DMD: variants seen among roughly 807,000 people sequenced by gnomAD.
The protein encoded by DMD is mutant dystrophin.
Under a neutral mutation model 330.1 loss-of-function variants are expected in DMD, and 63 were observed. That is an observed-to-expected ratio of 0.19 (90% confidence interval 0.16 to 0.24). The LOEUF is 0.24. Among genes scored for constraint, DMD ranks in the 10% least tolerant of loss-of-function variants. The probability of loss-of-function intolerance (pLI) is 1.00; values close to 1 mark genes in which losing one functional copy is unlikely to be tolerated. For synonymous variants in DMD, 1,223 were observed against 959.8 expected (o/e 1.27, Z -5.07); for missense variants, 3,344 against 2,684.1 (o/e 1.25, Z -5.43).
chrX:32,629,082 G>C (rs899492959), intron 11 of DMD, among the ~76,000 whole-genome samples: 7 of 111,518 alleles, frequency 6.3e-5, no homozygotes, highest in African/African-American at 2.0e-4. Flanking sequence ...TTTTATGTCT[G>C]GATGATCTAT....
At chrX:31,844,149 G>A (rs1169496006) in intron 48 of DMD, among the ~76,000 whole-genome samples, 3 of 111,822 alleles carry the variant, frequency 2.7e-5, no homozygotes, top group Non-Finnish European at 5.6e-5. Context: ...GTGAGCCACC[G>A]CACCTGGCTG....
At chrX:32,022,364 A>G (rs530794378) in intron 44 of DMD, among the ~76,000 whole-genome samples, 1 of 112,431 alleles carries the variant, frequency 8.9e-6, no homozygotes, top group African/African-American at 3.2e-5. Flanking sequence ...CAGAATGCCT[A>G]TATTAAAAAT....
At chrX:31,384,341 CTA>C (rs2060343794) in intron 60 of DMD, among the ~76,000 whole-genome samples, 1 of 110,399 alleles carries the variant, frequency 9.1e-6, no homozygotes, top group Non-Finnish European at 1.9e-5. Context: ...ACTACTACTA[CTA>C]CTACTACTAC....
intron 26 of DMD, among the ~76,000 whole-genome samples, chrX:32,451,681 A>G (rs1012949101): frequency 9.0e-6 from 1 of 110,998 alleles, no homozygotes; most frequent in Non-Finnish European, 1.9e-5. Context: ...GAGAGATGTC[A>G]AAATAGGTCT....
intron 45 of DMD, among the ~76,000 whole-genome samples, chrX:31,937,352 T>C (rs951154993): frequency 3.6e-5 from 4 of 111,734 alleles, no homozygotes; most frequent in Non-Finnish European, 7.5e-5. Flanking sequence ...TCAGAATAAA[T>C]CATCACTTAA....
chrX:32,560,198 ATAT>A (rs1488005516), intron 16 of DMD, among the ~76,000 whole-genome samples: 2 of 95,564 alleles, frequency 2.1e-5, no homozygotes, highest in Non-Finnish European at 4.5e-5. Context: ...AAAAAAAAAT[ATAT>A]ATATATATGC....
chrX:32,978,260 G>A lies in DMD; in HGVS notation c.93+41879C>T, dbSNP rs5928131. On this transcript the variant is annotated intron_variant, in intron 2 of 78. Transcript: ENST00000357033. ...CCGTGGTGCCAGTTCCCTGTGCTAA[G>A]AGGCAGCCAGGGATATATACCTCAC... 4.5e-5 allele frequency among the ~76,000 whole-genome samples: 5 copies of A among 110,488 alleles called. No homozygotes were observed. The South Asian group carries it at 1.5e-3, about 34-fold the overall frequency.
chrX:33,033,687 CAGCCTGGGCG>C (rs2094156275), intron 1 of DMD, among the ~76,000 whole-genome samples: 1 of 109,677 alleles, frequency 9.1e-6, no homozygotes, highest in African/African-American at 3.3e-5. Flanking sequence ...CACTGCACTC[CAGCCTGGGCG>C]ACAGAGCGAG....
At chrX:33,174,165 C>G (rs921646640) in intron 1 of DMD, among the ~76,000 whole-genome samples, 2 of 109,977 alleles carry the variant, frequency 1.8e-5, no homozygotes, top group African/African-American at 6.6e-5. Flanking sequence ...ACATTTCACA[C>G]TTCTCAAAGA....
chrX:32,679,902 CTTTTTTTTTT>C (rs766270656), intron 9 of DMD, among the ~76,000 whole-genome samples: 257 of 23,568 alleles, frequency 0.011, 2 homozygotes, highest in African/African-American at 0.044. Context: ...AATATTTGTA[CTTTTTTTTTT>C]TTTTTTTTTT....
chrX:32,256,507 T>C (rs1324810898), intron 43 of DMD, among the ~76,000 whole-genome samples: 1 of 110,672 alleles, frequency 9.0e-6, no homozygotes, highest in Non-Finnish European at 1.9e-5. Flanking sequence ...TTTAGCCCAT[T>C]TACATTTAAA....
chrX:33,246,984 A>G (rs368065324), intron 1 of DMD, among the ~76,000 whole-genome samples: 1 of 111,617 alleles, frequency 9.0e-6, no homozygotes, highest in Non-Finnish European at 1.9e-5. Flanking sequence ...ATGCCCGGCC[A>G]ATTATCTCGG....
chrX:33,161,323 AAGAGGT>A (rs1383569467), intron 1 of DMD, among the ~76,000 whole-genome samples: 1 of 111,976 alleles, frequency 8.9e-6, no homozygotes, highest in Non-Finnish European at 1.9e-5. Flanking sequence ...ATGTTTACAG[AAGAGGT>A]AGATTGAGGA....
chrX:32,730,213 T>C (rs1370479370), intron 7 of DMD, among the ~76,000 whole-genome samples: 2 of 112,198 alleles, frequency 1.8e-5, no homozygotes, highest in South Asian at 7.4e-4. Context: ...CTGCATTGTG[T>C]TGTACACCTG....
At chrX:33,242,680 A>G (rs1166351245) in intron 1 of DMD, among the ~76,000 whole-genome samples, 1 of 112,034 alleles carries the variant, frequency 8.9e-6, no homozygotes, top group South Asian at 3.7e-4. Context: ...ACTGTTTTCC[A>G]TAGCGGTTGT....
rs1462749416 is a variant in DMD, at chrX:31,474,742, TAAAATAAAATAAAAA to T, written c.8937+3349_8937+3363del. Among the ~76,000 whole-genome samples, 7 of 103,299 alleles carry T rather than the reference TAAAATAAAATAAAAA, an allele frequency of 6.8e-5. No individual in the cohort carries two copies. The South Asian group carries it at 1.7e-3, about 25-fold the overall frequency. 89.7% of individuals were successfully genotyped at this position (103,299 alleles called of 115,157 possible). ...TAAAATAAAATAAAATAAAATAAAA[TAAAATAAAATAAAAA>T]AAGAGAAACCATGGTTTATTAGAAA... On this transcript the variant is annotated intron_variant, in intron 59 of 78. Transcript: ENST00000357033.
chrX:31,420,353 CAATT>C, intron 60 of DMD, among the ~76,000 whole-genome samples: 1 of 111,947 alleles, frequency 8.9e-6, no homozygotes, highest in East Asian at 2.8e-4. Flanking sequence ...TGTCCAGAGT[CAATT>C]AATGGGAAAC....
intron 4 of DMD, among the ~76,000 whole-genome samples, chrX:32,843,412 C>A (rs1017925914): frequency 9.0e-6 from 1 of 111,557 alleles, no homozygotes; most frequent in African/African-American, 3.3e-5. Flanking sequence ...ATTCTGGCTG[C>A]GGAGTGAAAA....
intron 44 of DMD, among the ~76,000 whole-genome samples, chrX:32,052,353 C>A (rs1017626182): frequency 1.8e-5 from 2 of 110,849 alleles, no homozygotes; most frequent in African/African-American, 6.5e-5. Flanking sequence ...TGAAACACTT[C>A]AAAAAGTATA....
Sources: allele counts gnomAD v4.1 joint callset (sites outside exome capture counted in the v4.1 genomes callset), GRCh38; gene constraint gnomAD v4.1.1; transcripts MANE v1.5; gene names NCBI Gene and HGNC (gene_info 2026-07-23, HGNC 2026-07-21).